The following DDIT4 variants were observed in gnomAD, a reference collection of about 807,000 sequenced individuals.
DDIT4 encodes the protein DNA damage inducible transcript 4.
A neutral mutation model predicts 20.2 loss-of-function variants in DDIT4; 20 were observed. That is an observed-to-expected ratio of 0.99 (90% CI 0.70 to 1.44). The LOEUF (loss-of-function observed/expected upper bound fraction) is 1.44, where lower values mean the gene tolerates loss of function less well. DDIT4 is among the 40% of genes most tolerant of loss of function. The probability of loss-of-function intolerance (pLI) is 0.00; values close to 1 mark genes in which losing one functional copy is unlikely to be tolerated. For synonymous variants in DDIT4, 152 were observed against 144.6 expected (o/e 1.05, Z -0.37); for missense variants, 316 against 298.1 (o/e 1.06, Z -0.44).
In DDIT4 at chr10:72,273,956, C is replaced by G. The variant is rs527263719; in HGVS notation, c.-165C>G. On this transcript the variant is annotated 5_prime_UTR_variant, in exon 1 of 3. Transcript: ENST00000307365. Reference sequence around the variant, plus strand: ...GCCAAGGGGGAGGTGCGAGCGTGGACCTGGGACGGGTCTGGGCGGCTCTCG... The same window carrying G: ...GCCAAGGGGGAGGTGCGAGCGTGGAGCTGGGACGGGTCTGGGCGGCTCTCG... 5.5e-6 allele frequency: 3 copies of G among 541,668 alleles called. No individual in the cohort carries two copies. In the African/African-American group the frequency reaches 5.8e-5, roughly 10 times the overall value. 33.6% of individuals were successfully genotyped at this position (541,668 alleles called of 1,614,324 possible).
chr10:72,274,769 G>A lies in DDIT4; in HGVS notation c.280G>A (p.Ala94Thr). The A allele has an allele frequency of 6.2e-7, 1 of 1,614,086 alleles. No individual in the cohort carries two copies. The highest frequency in any genetic ancestry group is 8.5e-7 in the Non-Finnish European group (1 of 1,180,028). ...TGACCCTGAGGATGAACACTTGTGTGCCAACCTGATGCAGCTGCTGCAGGA... is the reference window on the plus strand; with the variant it reads ...TGACCCTGAGGATGAACACTTGTGTACCAACCTGATGCAGCTGCTGCAGGA... The part of the protein sequence containing the change: ...LSDPEDEHLC[A>T]NLMQLLQESL... The change falls in exon 3 of 3, where the codon GCC becomes ACC. Residue 94 changes from alanine to threonine, a missense_variant. Transcript: ENST00000307365.
In DDIT4 at chr10:72,274,968, TG is replaced by T. The variant is rs1470956272; in HGVS notation, c.482del (p.Gly161AlafsTer15). 6.2e-7 allele frequency: 1 copy of T among 1,612,950 alleles called. No homozygotes were observed. The highest frequency in any genetic ancestry group is 1.3e-5 in the African/African-American group (1 of 74,932). ...GAGCAGGGCAAGAGCTGCCACAGCG[TG>T]GGCCAGCTGGCACTCGACCCCAGCC... ...CVEQGKSCHS[V>X]GQLALDPSLV... On this transcript the variant is annotated frameshift_variant, in exon 3 of 3. Coordinates refer to ENST00000307365, the MANE Select transcript of DDIT4 (RefSeq NM_019058.4). LOFTEE classifies it high-confidence loss of function.
In DDIT4 at chr10:72,274,065, G is replaced by A; in HGVS notation, c.-61+5G>A. The A allele has an allele frequency of 1.5e-6, 1 of 681,356 alleles. No homozygotes were observed. Among genetic ancestry groups the A allele is most frequent in the Non-Finnish European group, 2.6e-6 (1 of 378,954 alleles). 42.2% of individuals were successfully genotyped at this position (681,356 alleles called of 1,614,324 possible). On this transcript the variant is annotated splice_donor_5th_base_variant and intron_variant, in intron 1 of 2. Transcript: ENST00000307365. ...TCTCGCTGACCGCGCTAGCTGGTGA[G>A]TGTCCCTTCTGTGTGTGGGTCCTAG...
chr10:72,273,981 G>A lies in DDIT4; in HGVS notation c.-140G>A. The A allele has an allele frequency of 1.7e-6, 1 of 575,872 alleles. No individual in the cohort carries two copies. The highest frequency in any genetic ancestry group is 3.0e-5 in the East Asian group (1 of 33,806). 35.7% of individuals were successfully genotyped at this position (575,872 alleles called of 1,614,324 possible). On this transcript the variant is annotated 5_prime_UTR_variant, in exon 1 of 3. Transcript: ENST00000307365. ...CCTGGGACGGGTCTGGGCGGCTCTC[G>A]GTGGTTGGCACGGGTTCGCACACCC...
In DDIT4 at chr10:72,275,309, C is replaced by T; in HGVS notation, c.*121C>T. On this transcript the variant is annotated 3_prime_UTR_variant, in exon 3 of 3. Transcript: ENST00000307365. ...GTGGTTGGAAAACTGAGGCAGCCAC[C>T]TAAGGTGGAGGTGGGGGAATAGTGT... The T allele has an allele frequency of 8.7e-7, 1 of 1,147,872 alleles. No homozygotes were observed. Among genetic ancestry groups the T allele is most frequent in the South Asian group, 1.6e-5 (1 of 63,798 alleles). The allele number at this position is 1,147,872 out of a possible 1,614,324, so 71.1% of individuals were successfully genotyped here.
intron 2 of DDIT4, 36 bp from the exon 3 acceptor site, chr10:72,274,659 G>A: frequency 6.4e-7 from 1 of 1,563,556 alleles, no homozygotes; most frequent in Non-Finnish European, 8.7e-7. Context: ...TTTTGAAGCC[G>A]CTCTAATACC....
Position 72,274,381 on chromosome 10 carries a change from G to C in DDIT4, c.165G>C (p.Glu55Asp). 3 of 1,600,464 alleles carry C rather than the reference G, an allele frequency of 1.9e-6. No individual in the cohort carries two copies. The highest frequency in any genetic ancestry group is 2.6e-6 in the Non-Finnish European group (3 of 1,173,804). Residue 55 changes from glutamate (E) to aspartate (D), a missense_variant, in exon 2 of 3, where the codon GAG becomes GAC. Glu to Asp is a conservative substitution (Grantham distance 45). Transcript: ENST00000307365. Reference protein sequence around the residue: ...RSTSLESSDCESLDSSNSGFG... With the variant: ...RSTSLESSDCDSLDSSNSGFG... ...CGAGCCTGGAGAGCTCGGACTGCGAGTCCCTGGACAGCAGCAACAGTGGCT... is the reference window on the plus strand; with the variant it reads ...CGAGCCTGGAGAGCTCGGACTGCGACTCCCTGGACAGCAGCAACAGTGGCT...
rs919148940 is a variant in DDIT4, at chr10:72,274,819, C to T, written c.330C>T (p.Gly110=). 3.7e-6 allele frequency: 6 copies of T among 1,613,678 alleles called. No individual in the cohort carries two copies. The highest frequency in any genetic ancestry group is 5.1e-6 in the Non-Finnish European group (6 of 1,180,016). Residue 110 remains glycine (G), a synonymous_variant, in exon 3 of 3, where the codon GGC becomes GGT. Transcript: ENST00000307365. ...LQESLAQARL[G]SRRPARLLMP... is the part of the protein sequence containing the mutation. ...AGAGCCTGGCCCAGGCGCGGCTGGG[C>T]TCTCGACGCCCTGCGCGCCTGCTGA...
At position 72,274,893 on chromosome 10, in the gene DDIT4, C is replaced by T; in HGVS notation, c.404C>T (p.Ala135Val). ...GTGGGCAAAGAACTACTGCGCCTGG[C>T]CTACAGCGAGCCGTGCGGCCTGCGG... ...SQVGKELLRL[A>V]YSEPCGLRGA... Residue 135 changes from alanine to valine, a missense_variant, in exon 3 of 3, where the codon GCC (alanine) becomes GTC (valine). Coordinates refer to ENST00000307365, the MANE Select transcript of DDIT4 (RefSeq NM_019058.4). 6.2e-7 allele frequency: 1 copy of T among 1,612,994 alleles called. No individual in the cohort carries two copies. Among genetic ancestry groups the T allele is most frequent in the Non-Finnish European group, 8.5e-7 (1 of 1,179,942 alleles).
rs1402930885 is a variant in DDIT4, at chr10:72,274,321, G to T, written c.105G>T (p.Gly35=). ...TPDRPPRSAW[G]SATREEGFDR... ...ATCGGCCGCCGCGCTCAGCCTGGGG[G>T]TCGGCGACCCGGGAGGAGGGGTTTG... Residue 35 remains glycine, a synonymous_variant, in exon 2 of 3, where the codon GGG becomes GGT. Coordinates refer to ENST00000307365, the MANE Select transcript of DDIT4 (RefSeq NM_019058.4). The T allele has an allele frequency of 6.2e-7, 1 of 1,612,710 alleles. No individual in the cohort carries two copies.
In DDIT4 at chr10:72,275,808, G is replaced by T. The variant is rs1812752707; in HGVS notation, c.*620G>T. 1 of 152,956 alleles carries T rather than the reference G, an allele frequency of 6.5e-6. No individual in the cohort carries two copies. Among genetic ancestry groups the T allele is most frequent in the African/African-American group, 2.4e-5 (1 of 41,424 alleles). 9.5% of individuals were successfully genotyped at this position (152,956 alleles called of 1,614,324 possible). The stretch of plus-strand genomic sequence containing the variant: ...GACACTTGAAAAATTACACCTGGCA[G>T]CTGCGTTTAAGCCTTCCCCCATCGT... On this transcript the variant is annotated 3_prime_UTR_variant, in exon 3 of 3. Transcript: ENST00000307365.
Position 72,275,381 on chromosome 10 carries a change from G to C in DDIT4, c.*193G>C, listed in dbSNP as rs777228453. On this transcript the variant is annotated 3_prime_UTR_variant, in exon 3 of 3. Coordinates refer to ENST00000307365, the MANE Select transcript of DDIT4 (RefSeq NM_019058.4). ...TGTGTGCGGGTGGCTGTGCATTGGG[G>C]ACACATACCCCTCAGTACTGTAGCA... is the stretch of plus-strand genomic sequence containing the variant. The C allele has an allele frequency of 3.2e-6, 2 of 624,688 alleles. No homozygotes were observed. Among genetic ancestry groups the C allele is most frequent in the South Asian group, 4.0e-5 (2 of 50,532 alleles). 38.7% of individuals were successfully genotyped at this position (624,688 alleles called of 1,614,324 possible). A position where few individuals can be genotyped will look rare whatever the true frequency, so the allele number is the denominator to read the frequency against.
chr10:72,274,927 G>T lies in DDIT4; in HGVS notation c.438G>T (p.Leu146=). ...YSEPCGLRGA[L]LDVCVEQGKS... ...AGCCGTGCGGCCTGCGGGGGGCGCT[G>T]CTGGACGTCTGCGTGGAGCAGGGCA... is the stretch of plus-strand genomic sequence containing the variant. Residue 146 remains leucine, a synonymous_variant, in exon 3 of 3, where the codon CTG becomes CTT. Coordinates refer to ENST00000307365, the MANE Select transcript of DDIT4 (RefSeq NM_019058.4). 4 of 1,612,522 alleles carry T rather than the reference G, an allele frequency of 2.5e-6. No homozygotes were observed. The highest frequency in any genetic ancestry group is 3.4e-6 in the Non-Finnish European group (4 of 1,179,848).
rs1475585946 is a variant in DDIT4 at position 72,275,672 on chromosome 10, C to G, written c.*484C>G. 1 of 161,586 alleles carries G rather than the reference C, an allele frequency of 6.2e-6. No homozygotes were observed. The highest frequency in any genetic ancestry group is 5.9e-5 in the Admixed American group (1 of 16,870). 10.0% of individuals were successfully genotyped at this position (161,586 alleles called of 1,614,324 possible). On this transcript the variant is annotated 3_prime_UTR_variant, in exon 3 of 3. Transcript: ENST00000307365. ...AGTGTGTTTGTTGTTTGTTTTGTATCTTGTTTTTCTGATCGGAGCATCACT... is the reference window on the plus strand; with the variant it reads ...AGTGTGTTTGTTGTTTGTTTTGTATGTTGTTTTTCTGATCGGAGCATCACT...
chr10:72,274,468 G>C (rs1280826638), intron 2 of DDIT4, 47 bp downstream of exon 2: 13 of 1,505,778 alleles, frequency 8.6e-6, no homozygotes, highest in Non-Finnish European at 1.1e-5. Context: ...CCGGGAAGGT[G>C]GGGAAGCCCC....
In DDIT4 at chr10:72,274,223, A is replaced by G. The variant is rs367547039; in HGVS notation, c.7A>G (p.Ser3Gly). The change falls in exon 2 of 3, where the codon AGC (serine) becomes GGC (glycine). Residue 3 changes from serine (S) to glycine (G), a missense_variant. Physicochemically the swap from Ser to Gly is moderately conservative, Grantham distance 56 (BLOSUM62 0). Coordinates refer to ENST00000307365, the MANE Select transcript of DDIT4 (RefSeq NM_019058.4). MP[S>G]LWDRFSSSST... is the part of the protein sequence containing the mutation. ...CCTGGCGTCTGTCCTCACCATGCCT[A>G]GCCTTTGGGACCGCTTCTCGTCGTC... 7 of 1,613,180 alleles carry G rather than the reference A, an allele frequency of 4.3e-6. No individual in the cohort carries two copies. The African/African-American group carries it at 9.3e-5, about 22-fold the overall frequency.
In DDIT4 at chr10:72,274,855, G is replaced by A; in HGVS notation, c.366G>A (p.Gln122=). The change falls in exon 3 of 3, where the codon CAG becomes CAA. Residue 122 remains glutamine (Q), a synonymous_variant. Coordinates refer to ENST00000307365, the MANE Select transcript of DDIT4 (RefSeq NM_019058.4). ...RRPARLLMPS[Q]LVSQVGKELL... The stretch of plus-strand genomic sequence containing the variant: ...CTGCGCGCCTGCTGATGCCTAGCCA[G>A]TTGGTAAGCCAGGTGGGCAAAGAAC... The A allele has an allele frequency of 1.2e-6, 2 of 1,613,536 alleles. No homozygotes were observed. The highest frequency in any genetic ancestry group is 1.7e-6 in the Non-Finnish European group (2 of 1,180,018).
rs1216319415 is a variant in DDIT4, at chr10:72,275,223, G to A, written c.*35G>A. On this transcript the variant is annotated 3_prime_UTR_variant, in exon 3 of 3. Coordinates refer to ENST00000307365, the MANE Select transcript of DDIT4 (RefSeq NM_019058.4). ...TGAGGGGGCCGACAGTGCCCTCCAA[G>A]ACAGAGACGACTGAACTTTTGGGGT... 6.4e-7 allele frequency: 1 copy of A among 1,566,648 alleles called. No individual in the cohort carries two copies. Among genetic ancestry groups the A allele is most frequent in the East Asian group, 2.2e-5 (1 of 44,598 alleles).
In DDIT4 at chr10:72,275,322, G is replaced by A; in HGVS notation, c.*134G>A. ...TGAGGCAGCCACCTAAGGTGGAGGTGGGGGAATAGTGTTTCCCAGGAAGCT... is the reference window on the plus strand; with the variant it reads ...TGAGGCAGCCACCTAAGGTGGAGGTAGGGGAATAGTGTTTCCCAGGAAGCT... On this transcript the variant is annotated 3_prime_UTR_variant, in exon 3 of 3. Coordinates refer to ENST00000307365, the MANE Select transcript of DDIT4 (RefSeq NM_019058.4). The A allele has an allele frequency of 1.0e-6, 1 of 993,962 alleles. No homozygotes were observed. The highest frequency in any genetic ancestry group is 1.4e-6 in the Non-Finnish European group (1 of 691,288). 61.6% of individuals were successfully genotyped at this position (993,962 alleles called of 1,614,324 possible).
Sources: allele counts gnomAD v4.1 joint callset, GRCh38; gene constraint gnomAD v4.1.1; transcripts MANE v1.5; gene names NCBI Gene and HGNC (gene_info 2026-07-23, HGNC 2026-07-21).